The following PLXNA4 variants were observed in gnomAD, a reference collection of about 807,000 sequenced individuals.
PLXNA4 encodes the protein plexin A4.
Under a neutral mutation model 191.8 loss-of-function variants are expected in PLXNA4, and 44 were observed. The observed-to-expected ratio is 0.23, with a 90% CI of 0.18 to 0.29. The LOEUF is 0.29. Ranked by LOEUF, PLXNA4 falls within the 10% of genes least tolerant of loss-of-function variation. The pLI, the probability that PLXNA4 is intolerant of heterozygous loss-of-function variation, is 1.00. For missense variants in PLXNA4, 1,800 were observed against 2,488.8 expected (o/e 0.72, Z 5.89); for synonymous variants, 1,082 against 1,009.5 (o/e 1.07, Z -1.36).
At chr7:132,601,601 A>G (rs1802821577) in intron 2 of PLXNA4, among the ~76,000 whole-genome samples, 2 of 152,236 alleles carry the variant, frequency 1.3e-5, no homozygotes, top group African/African-American at 4.8e-5. Context: ...TGGAAGTCTT[A>G]CATGACAGAA....
chr7:132,209,844 C>A (rs548218523), intron 10 of PLXNA4, among the ~76,000 whole-genome samples: 23 of 152,276 alleles, frequency 1.5e-4, no homozygotes, highest in Admixed American at 6.5e-4. Flanking sequence ...GAGGGGTCCT[C>A]AAATCCAGAC....
intron 2 of PLXNA4, among the ~76,000 whole-genome samples, chr7:132,640,288 T>C (rs968351033): frequency 6.6e-6 from 1 of 152,200 alleles, no homozygotes; most frequent in Non-Finnish European, 1.5e-5. Flanking sequence ...GTTATGGCTT[T>C]CAGGGATCTT....
chr7:132,140,313 G>T (rs536465572), intron 30 of PLXNA4, among the ~76,000 whole-genome samples: 65 of 151,898 alleles, frequency 4.3e-4, no homozygotes, highest in Non-Finnish European at 7.1e-4. Context: ...GCTGGGAGCC[G>T]CATCTCCTTT....
At chr7:132,282,988 C>A (rs1010044335) in intron 4 of PLXNA4, among the ~76,000 whole-genome samples, 17 of 151,218 alleles carry the variant, frequency 1.1e-4, no homozygotes. Context: ...GTGATCCTCC[C>A]ACCTCAGCCC....
rs1282184467 is a variant in PLXNA4, at chr7:132,127,969, TTGA to T, written c.*2507_*2509del. On this transcript the variant is annotated 3_prime_UTR_variant, in exon 32 of 32. Transcript: ENST00000321063. The stretch of plus-strand genomic sequence containing the variant: ...TTTTTTCTTTTTTTTTTCTGCTTGT[TTGA>T]TTTTTTCTCTTAACTGTGCAAAAAA... 6.9e-6 allele frequency: 1 copy of T among 143,906 alleles called. No individual in the cohort carries two copies. Among genetic ancestry groups the T allele is most frequent in the African/African-American group, 2.6e-5 (1 of 39,000 alleles). The allele number at this position is 143,906 out of a possible 1,614,324, so 8.9% of individuals were successfully genotyped here. A position where few individuals can be genotyped will look rare whatever the true frequency, so the allele number is the denominator to read the frequency against.
At chr7:132,289,790 C>T (rs893337913) in intron 4 of PLXNA4, among the ~76,000 whole-genome samples, 1 of 151,714 alleles carries the variant, frequency 6.6e-6, no homozygotes, top group African/African-American at 2.4e-5. Context: ...ACCTTGGCCT[C>T]TCAAAGTGCT....
At chr7:132,526,675 A>G (rs893337058) in intron 1 of PLXNA4, among the ~76,000 whole-genome samples, 7 of 152,060 alleles carry the variant, frequency 4.6e-5, no homozygotes. Context: ...GTCCTGCCCT[A>G]TGGGGTAAGG....
intron 30 of PLXNA4, among the ~76,000 whole-genome samples, chr7:132,135,583 A>C (rs965486240): frequency 2.6e-5 from 4 of 152,230 alleles, no homozygotes; most frequent in Admixed American, 2.6e-4. Flanking sequence ...GAAGCCCAGC[A>C]TTCTGCCTTC....
At chr7:132,601,557 G>A (rs1007559845) in intron 2 of PLXNA4, among the ~76,000 whole-genome samples, 4 of 152,208 alleles carry the variant, frequency 2.6e-5, no homozygotes, top group Non-Finnish European at 4.4e-5. Context: ...TAGGGTTCCA[G>A]TAGTTAAAAT....
intron 3 of PLXNA4, among the ~76,000 whole-genome samples, chr7:132,347,037 C>T (rs545756200): frequency 1.1e-4 from 17 of 152,122 alleles, no homozygotes; most frequent in Non-Finnish European, 2.5e-4. Context: ...CATGGATGTT[C>T]CTCTGATTCC....
intron 1 of PLXNA4, among the ~76,000 whole-genome samples, chr7:132,551,496 A>C (rs755977): frequency 9.8e-4 from 149 of 152,326 alleles, no homozygotes; most frequent in Admixed American, 2.3e-3. Context: ...CTTTCATTAC[A>C]AAATGCCGGT....
chr7:132,140,659 G>A lies in PLXNA4; in HGVS notation c.5378C>T (p.Ser1793Leu). The A allele has an allele frequency of 6.2e-7, 1 of 1,614,142 alleles. No individual in the cohort carries two copies. The highest frequency in any genetic ancestry group is 8.5e-7 in the Non-Finnish European group (1 of 1,180,024). ...GGCATACAGCAGCTTGTTGGAGGGC[G>A]AGTCCTTGCCCAGCCGGTGCTCTGA... is the stretch of plus-strand genomic sequence containing the variant. The part of the protein sequence containing the change: ...STSEHRLGKD[S>L]PSNKLLYAKD... The change falls in exon 30 of 32, where the codon TCG (serine) becomes TTG (leucine). Residue 1793 changes from serine (S) to leucine (L), a missense_variant. Around this residue, in one of 6 missense-constraint regions of PLXNA4, gnomAD observed 101 missense variants for 182.8 expected, o/e 0.55. Transcript: ENST00000321063.
At chr7:132,432,218 G>A (rs934609470) in intron 3 of PLXNA4, among the ~76,000 whole-genome samples, 5 of 152,126 alleles carry the variant, frequency 3.3e-5, no homozygotes, top group Non-Finnish European at 7.4e-5. Context: ...CCAGTCACTC[G>A]TGGCATTCTC....
intron 2 of PLXNA4, among the ~76,000 whole-genome samples, chr7:132,497,788 T>G (rs919930849): frequency 2.0e-5 from 3 of 152,162 alleles, no homozygotes; most frequent in African/African-American, 7.2e-5. Flanking sequence ...TGCACCCTGG[T>G]TGTGAGCACA....
rs370623252 is a variant in PLXNA4, at chr7:132,148,660, G to A, written c.4661-14C>T. ...CTTGTCGCCACTCTGCCAAAAGAGCGGTGGCGTTTCAGAGAGGCCCTATGA... is the reference window on the plus strand; with the variant it reads ...CTTGTCGCCACTCTGCCAAAAGAGCAGTGGCGTTTCAGAGAGGCCCTATGA... On this transcript the variant is annotated splice_polypyrimidine_tract_variant and intron_variant, in intron 25 of 31. Transcript: ENST00000321063. 70 of 1,613,926 alleles carry A rather than the reference G, an allele frequency of 4.3e-5. No homozygotes were observed. The highest frequency in any genetic ancestry group is 1.6e-4 in the Middle Eastern group (1 of 6,080).
rs1281177681 is a variant in PLXNA4, at chr7:132,140,718, C to T, written c.5319G>A (p.Val1773=). The part of the protein sequence containing the change: ...KNSITDACLS[V]VAQTFMDSCS... Reference sequence around the variant, plus strand: ...AAGAGTCCATGAAGGTCTGAGCCACCACAGAGAGGCAGGCGTCTGTGATGC... The same window carrying T: ...AAGAGTCCATGAAGGTCTGAGCCACTACAGAGAGGCAGGCGTCTGTGATGC... The change falls in exon 30 of 32, where the codon GTG becomes GTA. Residue 1773 remains valine (V), a synonymous_variant. Transcript: ENST00000321063. 6.2e-7 allele frequency: 1 copy of T among 1,614,062 alleles called. No individual in the cohort carries two copies. Among genetic ancestry groups the T allele is most frequent in the East Asian group, 2.2e-5 (1 of 44,882 alleles).
rs1405734264 is a variant in PLXNA4, at chr7:132,168,589, G to A, written c.4018-17C>T. 1.9e-6 allele frequency: 3 copies of A among 1,550,364 alleles called. No individual in the cohort carries two copies. The highest frequency in any genetic ancestry group is 1.4e-5 in the African/African-American group (1 of 73,854). On this transcript the variant is annotated splice_polypyrimidine_tract_variant and intron_variant, in intron 21 of 31. Transcript: ENST00000321063. ...GCCCGGGACCTGCAGAGAGACCTAG[G>A]AGTCGTGATGCCATTGGCAGGTTGG...
At chr7:132,240,685 G>T (rs959064766) in intron 5 of PLXNA4, among the ~76,000 whole-genome samples, 1 of 152,196 alleles carries the variant, frequency 6.6e-6, no homozygotes, top group African/African-American at 2.4e-5. Flanking sequence ...CAGAAAAAAA[G>T]ATCCAATGCC....
chr7:132,189,141 A>G (rs1797011263), intron 14 of PLXNA4, among the ~76,000 whole-genome samples: 1 of 151,426 alleles, frequency 6.6e-6, no homozygotes, highest in African/African-American at 2.4e-5. Flanking sequence ...GTTAAAATAG[A>G]TGGGGGTTGG....
Sources: allele counts gnomAD v4.1 joint callset (sites outside exome capture counted in the v4.1 genomes callset), GRCh38; gene constraint gnomAD v4.1.1; regional missense constraint gnomAD v4.1.1; transcripts MANE v1.5; gene names NCBI Gene and HGNC (gene_info 2026-07-23, HGNC 2026-07-21).